Variants in CTNNA3 observed in about 807,000 individuals in gnomAD.
CTNNA3 encodes catenin alpha-3.
A neutral mutation model predicts 95.7 loss-of-function variants in CTNNA3; 76 were observed. That is an observed-to-expected ratio of 0.79 (90% CI 0.66 to 0.96). CTNNA3 has a LOEUF of 0.96. Among genes scored for constraint, CTNNA3 ranks in the 40% least tolerant of loss-of-function variants. The pLI is 0.00. For synonymous variants in CTNNA3, 431 were observed against 374.4 expected, an observed-to-expected ratio of 1.15 and a Z score of -1.74; for missense variants, 1,191 against 1,089.8, an observed-to-expected ratio of 1.09 and a Z score of -1.31.
intron 17 of CTNNA3, among the ~76,000 whole-genome samples, chr10:65,940,604 C>T (rs1367472388): frequency 3.3e-5 from 5 of 152,126 alleles, no homozygotes; most frequent in Non-Finnish European, 7.4e-5. Flanking sequence ...TACTTAGAGA[C>T]CTGTGATTAC....
chr10:66,110,446 C>T (rs1186591940), intron 13 of CTNNA3, among the ~76,000 whole-genome samples: 1 of 151,178 alleles, frequency 6.6e-6, no homozygotes, highest in Non-Finnish European at 1.5e-5. Context: ...GAGATGGAAG[C>T]AACCTAGGTG....
chr10:66,042,403 A>G (rs944135530), intron 15 of CTNNA3, among the ~76,000 whole-genome samples: 3 of 152,198 alleles, frequency 2.0e-5, no homozygotes, highest in Non-Finnish European at 4.4e-5. Context: ...CTTATAAAGC[A>G]TGAGAAAGAA....
chr10:65,947,377 AT>A (rs1481215500), intron 17 of CTNNA3, among the ~76,000 whole-genome samples: 2 of 152,188 alleles, frequency 1.3e-5, no homozygotes, highest in South Asian at 4.1e-4. Flanking sequence ...TAAATTTAAC[AT>A]TTATCCAATA....
intron 9 of CTNNA3, among the ~76,000 whole-genome samples, chr10:66,638,954 A>T (rs562802560): frequency 2.0e-5 from 3 of 152,162 alleles, no homozygotes; most frequent in East Asian, 3.9e-4. Context: ...TGTTTTTTTT[A>T]ATCTTTGCAC....
intron 11 of CTNNA3, among the ~76,000 whole-genome samples, chr10:66,455,414 G>C (rs191400847): frequency 1.7e-4 from 26 of 152,226 alleles, no homozygotes; most frequent in Admixed American, 4.6e-4. Flanking sequence ...GTTATAGTGA[G>C]GTAGGAGACC....
At chr10:67,107,800 C>G (rs753478350) in intron 7 of CTNNA3, among the ~76,000 whole-genome samples, 3 of 152,008 alleles carry the variant, frequency 2.0e-5, no homozygotes, top group African/African-American at 4.8e-5. Flanking sequence ...AAGGTGCACT[C>G]GGGTGCAGTC....
chr10:66,382,783 G>A (rs2132501066), intron 11 of CTNNA3, among the ~76,000 whole-genome samples: 1 of 152,244 alleles, frequency 6.6e-6, no homozygotes. Flanking sequence ...CTCTGCTGGT[G>A]ATACCCAGGC....
At chr10:66,978,552 A>AAAAAAAAAT in intron 7 of CTNNA3, among the ~76,000 whole-genome samples, 1 of 37,878 alleles carries the variant, frequency 2.6e-5, no homozygotes, top group Non-Finnish European at 4.8e-5. Context: ...AAAAAAAAAA[A>AAAAAAAAAT]ATATATATAT....
chr10:66,226,105 C>T (rs181830685), intron 13 of CTNNA3, among the ~76,000 whole-genome samples: 1 of 152,106 alleles, frequency 6.6e-6, no homozygotes, highest in East Asian at 1.9e-4. Flanking sequence ...CTTTTATAGC[C>T]TATGTTTTTG....
At chr10:66,418,023 C>T (rs111354185) in intron 11 of CTNNA3, among the ~76,000 whole-genome samples, 1,663 of 149,256 alleles carry the variant, frequency 0.011, 35 homozygotes, top group African/African-American at 0.039. Context: ...CAGAGCAGAA[C>T]TAAATGAATC....
At chr10:66,919,202 AT>A (rs1320058936) in intron 7 of CTNNA3, among the ~76,000 whole-genome samples, 1 of 152,000 alleles carries the variant, frequency 6.6e-6, no homozygotes, top group Admixed American at 6.6e-5. Context: ...AAAGAAAAAA[AT>A]ATTGCACTTA....
Position 67,045,111 on chromosome 10 carries a change from A to T in CTNNA3, c.1047+135206T>A, listed in dbSNP as rs1304400724. Among the ~76,000 whole-genome samples the T allele has an allele frequency of 6.6e-5, 10 of 152,214 alleles. No homozygotes were observed. The East Asian group carries it at 1.9e-3, about 29-fold the overall frequency. On this transcript the variant is annotated intron_variant, in intron 7 of 17. Coordinates refer to ENST00000433211, the MANE Select transcript of CTNNA3 (RefSeq NM_013266.4). ...CATATTAAAGACTACCAGATACGTGATGCTACCTAGTTAATGCTTACATAC... is the reference window on the plus strand; with the variant it reads ...CATATTAAAGACTACCAGATACGTGTTGCTACCTAGTTAATGCTTACATAC...
chr10:66,494,022 C>G (rs1020621006), intron 11 of CTNNA3, among the ~76,000 whole-genome samples: 6 of 150,892 alleles, frequency 4.0e-5, no homozygotes, highest in Non-Finnish European at 8.8e-5. Context: ...ATTCTCCTGC[C>G]TCAGCCTCTC....
intron 9 of CTNNA3, among the ~76,000 whole-genome samples, chr10:66,643,830 A>T (rs1175347056): frequency 1.3e-5 from 2 of 152,136 alleles, no homozygotes; most frequent in African/African-American, 2.4e-5. Context: ...TCTATTTCCA[A>T]ATATTTATTT....
chr10:67,063,244 T>C (rs1323502804), intron 7 of CTNNA3, among the ~76,000 whole-genome samples: 1 of 152,210 alleles, frequency 6.6e-6, no homozygotes, highest in African/African-American at 2.4e-5. Flanking sequence ...ATAATAACTC[T>C]GATGCAAGAT....
At chr10:67,670,676 A>T (rs73271908) in intron 1 of CTNNA3, among the ~76,000 whole-genome samples, 9,519 of 152,212 alleles carry the variant, frequency 0.063, 324 homozygotes, top group South Asian at 0.1. Flanking sequence ...ACAGAATTAG[A>T]CTGACACAAT....
intron 17 of CTNNA3, among the ~76,000 whole-genome samples, chr10:65,921,890 G>C (rs2077092388): frequency 1.3e-5 from 2 of 152,186 alleles, no homozygotes; most frequent in African/African-American, 4.8e-5. Context: ...AATGTCAAGA[G>C]TTTGGTTCCA....
At chr10:67,550,146 G>A (rs930394197) in intron 3 of CTNNA3, among the ~76,000 whole-genome samples, 5 of 152,122 alleles carry the variant, frequency 3.3e-5, no homozygotes, top group Admixed American at 6.6e-5. Context: ...GAAAATCCCA[G>A]ACAACATAAA....
chr10:66,027,027 G>T (rs2079353867), intron 15 of CTNNA3, among the ~76,000 whole-genome samples: 1 of 151,934 alleles, frequency 6.6e-6, no homozygotes, highest in African/African-American at 2.4e-5. Flanking sequence ...AAAACAAATG[G>T]ATATAAAGTC....
Sources: allele counts gnomAD v4.1 joint callset (sites outside exome capture counted in the v4.1 genomes callset), GRCh38; gene constraint gnomAD v4.1.1; transcripts MANE v1.5; gene names NCBI Gene and HGNC (gene_info 2026-07-23, HGNC 2026-07-21).